ARAP2: variants seen among roughly 807,000 people sequenced by gnomAD.
ARAP2 encodes arf-GAP with Rho-GAP domain, ANK repeat and PH domain-containing protein 2.
In ARAP2, 148 loss-of-function variants were observed where a neutral mutation model predicts 194.5. The observed-to-expected ratio is 0.76, with a 90% CI of 0.67 to 0.87. The LOEUF is 0.87. Ranked by LOEUF, ARAP2 falls within the 40% of genes least tolerant of loss-of-function variation. The pLI, the probability that ARAP2 is intolerant of heterozygous loss-of-function variation, is 0.00. For missense variants in ARAP2, 2,128 were observed against 1,989.7 expected (o/e 1.07, Z -1.32); for synonymous variants, 695 against 683.5 (o/e 1.02, Z -0.26).
chr4:36,155,525 A>G (rs1254546321), intron 15 of ARAP2, among the ~76,000 whole-genome samples: 1 of 152,186 alleles, frequency 6.6e-6, no homozygotes, highest in Non-Finnish European at 1.5e-5. Context: ...TTCCAGGAAT[A>G]AGGAGGAAAC....
intron 5 of ARAP2, among the ~76,000 whole-genome samples, chr4:36,022,522 G>A (rs74525793): frequency 1.3e-5 from 2 of 152,032 alleles, no homozygotes; most frequent in Non-Finnish European, 2.9e-5. Flanking sequence ...ATGCAAAAAA[G>A]CAATTACATT....
chr4:36,028,122 CTAA>C (rs1412407841), intron 5 of ARAP2, among the ~76,000 whole-genome samples: 2 of 152,030 alleles, frequency 1.3e-5, no homozygotes, highest in African/African-American at 4.8e-5. Flanking sequence ...ATTTTACTCG[CTAA>C]TGTTTTATTT....
At position 36,210,701 on chromosome 4, in the gene ARAP2, C is replaced by T; in HGVS notation, c.1176G>A (p.Val392=). 2 of 1,608,852 alleles carry T rather than the reference C, an allele frequency of 1.2e-6. No homozygotes were observed. The highest frequency in any genetic ancestry group is 1.1e-5 in the South Asian group (1 of 89,980). Reference sequence around the variant, plus strand: ...CCTCTCGAGGTATCCAAATATCTTCCACCTTGTCCTCGCTTATTTTCTCCT... The same window carrying T: ...CCTCTCGAGGTATCCAAATATCTTCTACCTTGTCCTCGCTTATTTTCTCCT... The part of the protein sequence containing the change: ...NRKEKISEDK[V]EDIWIPREDK... Residue 392 remains valine (V), a synonymous_variant, in exon 6 of 33, where the codon GTG becomes GTA. Coordinates refer to ENST00000303965, the MANE Select transcript of ARAP2 (RefSeq NM_015230.4).
chr4:36,243,134 TA>T (rs1042616314), intron 1 of ARAP2, among the ~76,000 whole-genome samples: 2 of 152,036 alleles, frequency 1.3e-5, no homozygotes, highest in Admixed American at 6.5e-5. Context: ...TTTTTTTCCT[TA>T]AAAAAAGTTA....
At chr4:36,111,140 AT>A (rs1719880363) in intron 26 of ARAP2, among the ~76,000 whole-genome samples, 1 of 151,948 alleles carries the variant, frequency 6.6e-6, no homozygotes, top group Non-Finnish European at 1.5e-5. Context: ...ATATTTATAA[AT>A]TTATATATTC....
chr4:36,200,541 C>T (rs1159115606), intron 6 of ARAP2, among the ~76,000 whole-genome samples: 1 of 152,174 alleles, frequency 6.6e-6, no homozygotes, highest in Non-Finnish European at 1.5e-5. Context: ...AAGTGTGAGC[C>T]ACCGTGCCCG....
At chr4:36,173,482 T>G (rs1042628640) in intron 9 of ARAP2, among the ~76,000 whole-genome samples, 6 of 152,004 alleles carry the variant, frequency 3.9e-5, no homozygotes, top group African/African-American at 1.4e-4. Context: ...GTTTAGGACA[T>G]AGACAAAATT....
rs1242479902 is a variant in ARAP2, at chr4:36,147,594, T to C, written c.3153A>G (p.Gln1051=). The C allele has an allele frequency of 2.5e-6, 4 of 1,613,532 alleles. No homozygotes were observed. The highest frequency in any genetic ancestry group is 2.7e-5 in the African/African-American group (2 of 74,902). The change falls in exon 18 of 33, where the codon CAA becomes CAG. Residue 1051 remains glutamine, a synonymous_variant. Transcript: ENST00000303965. The stretch of plus-strand genomic sequence containing the variant: ...AGTGCATTCTATCTCCCTGAACTTC[T>C]TGCATTTGAAGGCAAAAATGCAAGC... ...KSSLHFCLQM[Q]EVQGDRMHLR...
intron 6 of ARAP2, among the ~76,000 whole-genome samples, chr4:36,201,100 C>T (rs185547003): frequency 8.0e-4 from 122 of 152,254 alleles, no homozygotes; most frequent in Middle Eastern, 3.4e-3. Context: ...ACACATAGTC[C>T]TTTTTTCCAA....
At chr4:36,207,424 T>C (rs1745797218) in intron 6 of ARAP2, among the ~76,000 whole-genome samples, 1 of 152,242 alleles carries the variant, frequency 6.6e-6, no homozygotes. Flanking sequence ...ATGTTATATT[T>C]AGGTCAATCA....
At position 36,014,285 on chromosome 4, in the gene ARAP2, GA is replaced by G. The variant is rs1379873134; in HGVS notation, n.1056+1100del. On this transcript the variant is annotated intron_variant and non_coding_transcript_variant, in intron 8 of 12. Coordinates refer to the ARAP2 transcript ENST00000503225. ...AGAAAGAAAGAAAGAAAGAAAGAAA[GA>G]AAGAAAGAAAGAAGAGAAGGAAGGA... 2.3e-3 allele frequency among the ~76,000 whole-genome samples: 310 copies of G among 134,092 alleles called. 5 individuals carry two copies. The highest frequency in any genetic ancestry group is 8.0e-3 in the African/African-American group (288 of 35,850). The allele number at this position is 134,092 out of a possible 152,430, so 88.0% of individuals were successfully genotyped here. A position where few individuals can be genotyped will look rare whatever the true frequency, so the allele number is the denominator to read the frequency against.
intron 7 of ARAP2, among the ~76,000 whole-genome samples, chr4:36,192,440 C>A (rs1357855251): frequency 1.3e-5 from 2 of 152,006 alleles, no homozygotes; most frequent in East Asian, 3.9e-4. Context: ...GAAAAACAGT[C>A]CAGTTTGACA....
intron 9 of ARAP2, among the ~76,000 whole-genome samples, chr4:36,167,412 G>C (rs1735535446): frequency 6.6e-6 from 1 of 152,086 alleles, no homozygotes; most frequent in Non-Finnish European, 1.5e-5. Context: ...ATGATACTAG[G>C]AAGTTAGCAT....
chr4:36,214,612 C>A (rs1190523216), intron 2 of ARAP2, 132 bp from the exon 3 acceptor site: 2 of 487,754 alleles, frequency 4.1e-6, no homozygotes, highest in Non-Finnish European at 6.6e-6. Flanking sequence ...TATTAGAGAG[C>A]TATACATTCT....
At chr4:36,161,162 C>CAT (rs1168105730) in intron 12 of ARAP2, among the ~76,000 whole-genome samples, 8 of 151,266 alleles carry the variant, frequency 5.3e-5, no homozygotes, top group African/African-American at 1.7e-4. Flanking sequence ...CACACACACA[C>CAT]ACACACACAC....
chr4:36,104,141 G>C (rs1399386716), intron 27 of ARAP2, among the ~76,000 whole-genome samples: 3 of 151,838 alleles, frequency 2.0e-5, no homozygotes, highest in Non-Finnish European at 2.9e-5. Flanking sequence ...TTAACAAAAT[G>C]TTAACATATT....
At position 36,073,414 on chromosome 4, in the gene ARAP2, A is replaced by C. The variant is rs867519319; in HGVS notation, c.4743+275T>G. Among the ~76,000 whole-genome samples the C allele has an allele frequency of 1.2e-4, 18 of 152,270 alleles. No individual in the cohort carries two copies. In the South Asian group the frequency reaches 3.7e-3, roughly 32 times the overall value. ...ACGAATTTGAAGTTGTGATTTTACC[A>C]CCAGAATTTCTATACGCATATTTTA... On this transcript the variant is annotated intron_variant, in intron 32 of 32. Transcript: ENST00000303965.
chr4:36,165,185 A>G (rs758455710), intron 10 of ARAP2, 72 bp from the exon 11 acceptor site: 2 of 1,449,604 alleles, frequency 1.4e-6, no homozygotes, highest in Non-Finnish European at 1.9e-6. Context: ...TTCAGTTTGC[A>G]TATTCATTTC....
chr4:36,207,943 T>G (rs1012516289), intron 6 of ARAP2, among the ~76,000 whole-genome samples: 7 of 152,220 alleles, frequency 4.6e-5, no homozygotes, highest in Non-Finnish European at 7.3e-5. Context: ...ATATGCCTAA[T>G]GCTAGGTTTT....
Sources: allele counts gnomAD v4.1 joint callset (sites outside exome capture counted in the v4.1 genomes callset), GRCh38; gene constraint gnomAD v4.1.1; transcripts MANE v1.5; gene names NCBI Gene and HGNC (gene_info 2026-07-23, HGNC 2026-07-21).